Variants in IL21R observed in about 807,000 individuals in gnomAD.
IL21R encodes the protein interleukin 21 receptor, also known as interleukin-21 receptor.
In IL21R, 14 loss-of-function variants were observed where a neutral mutation model predicts 41.3. The observed-to-expected ratio is 0.34, with a 90% CI of 0.22 to 0.53. The LOEUF is 0.53. IL21R is among the 20% of genes least tolerant of loss of function. IL21R has a pLI of 0.94. For synonymous variants in IL21R, 286 were observed against 287.6 expected, an observed-to-expected ratio of 0.99 and a Z score of 0.05; for missense variants, 588 against 681.6, an observed-to-expected ratio of 0.86 and a Z score of 1.53.
intron 1 of IL21R, among the ~76,000 whole-genome samples, chr16:27,423,442 A>G: frequency 6.6e-6 from 1 of 152,206 alleles, no homozygotes; most frequent in Non-Finnish European, 1.5e-5. Flanking sequence ...AGCTTTACCA[A>G]ACTGTTGAGA....
Position 27,409,218 on chromosome 16 carries a change from AT to A in IL21R, c.-17+6604del, listed in dbSNP as rs540398494. On this transcript the variant is annotated intron_variant, in intron 1 of 8. Transcript: ENST00000337929. The stretch of plus-strand genomic sequence containing the variant: ...TATATGTTTATTATATATAATTTAT[AT>A]TTTATAAATATATATAATATTTATA... Among the ~76,000 whole-genome samples, 733 of 146,892 alleles carry A rather than the reference AT, an allele frequency of 5.0e-3. 2 individuals are homozygous for A. The highest frequency in any genetic ancestry group is 0.015 in the South Asian group (70 of 4,768).
At chr16:27,424,772 T>C (rs2087048716) in intron 1 of IL21R, among the ~76,000 whole-genome samples, 1 of 152,160 alleles carries the variant, frequency 6.6e-6, no homozygotes, top group Admixed American at 6.5e-5. Context: ...TGCATTGCCA[T>C]AAAGCAATAC....
chr16:27,406,042 T>C (rs1381363293), intron 1 of IL21R, among the ~76,000 whole-genome samples: 2 of 152,254 alleles, frequency 1.3e-5, no homozygotes, highest in East Asian at 3.8e-4. Flanking sequence ...GACAAGGCCC[T>C]GGGCCTCTCT....
At chr16:27,443,514 T>G (rs2087427090) in intron 5 of IL21R, among the ~76,000 whole-genome samples, 1 of 152,196 alleles carries the variant, frequency 6.6e-6, no homozygotes, top group Non-Finnish European at 1.5e-5. Context: ...CCAGGTGCGG[T>G]GGCTCATGCC....
intron 1 of IL21R, among the ~76,000 whole-genome samples, chr16:27,429,426 T>C (rs1268156150): frequency 6.6e-6 from 1 of 152,142 alleles, no homozygotes; most frequent in East Asian, 1.9e-4. Flanking sequence ...CACACAATGC[T>C]ACATCAATAG....
At chr16:27,406,107 C>G (rs1483940266) in intron 1 of IL21R, among the ~76,000 whole-genome samples, 2 of 152,268 alleles carry the variant, frequency 1.3e-5, no homozygotes, top group Non-Finnish European at 1.5e-5. Flanking sequence ...GGCTTGCCAA[C>G]TTTCCCCAGA....
chr16:27,434,385 C>A lies in IL21R; in HGVS notation c.88C>A (p.Leu30Ile). 1 of 1,614,064 alleles carries A rather than the reference C, an allele frequency of 6.2e-7. No homozygotes were observed. The highest frequency in any genetic ancestry group is 1.7e-5 in the Admixed American group (1 of 60,024). ...CGACCTCGTCTGCTACACCGATTACCTCCAGACGGTCATCTGCATCCTGGA... is the reference window on the plus strand; with the variant it reads ...CGACCTCGTCTGCTACACCGATTACATCCAGACGGTCATCTGCATCCTGGA... ...CPDLVCYTDY[L>I]QTVICILEMW... Residue 30 changes from leucine (L) to isoleucine (I), a missense_variant, in exon 3 of 9, where the codon CTC becomes ATC. Physicochemically the swap from Leu to Ile is conservative, Grantham distance 5. Coordinates refer to ENST00000337929, the MANE Select transcript of IL21R (RefSeq NM_181078.3).
At chr16:27,440,279 AGC>A (rs1177312217) in intron 4 of IL21R, among the ~76,000 whole-genome samples, 1,869 of 131,316 alleles carry the variant, frequency 0.014, 44 homozygotes, top group Non-Finnish European at 0.017. Flanking sequence ...AGAGAGAGAG[AGC>A]GAGCAAGCGC....
rs146302124 is a variant in IL21R, at chr16:27,437,865, T to C, written c.352+178T>C. 2.1e-3 allele frequency among the ~76,000 whole-genome samples: 327 copies of C among 152,244 alleles called. 2 individuals are homozygous for C. The highest frequency in any genetic ancestry group is 3.6e-3 in the Non-Finnish European group (242 of 68,022). ...TTTAGTAGAGACGGGGATCTTGCCATGTTGCCCAGGCCAGTCTCGAACTCC... is the reference window on the plus strand; with the variant it reads ...TTTAGTAGAGACGGGGATCTTGCCACGTTGCCCAGGCCAGTCTCGAACTCC... On this transcript the variant is annotated intron_variant, in intron 4 of 8. Coordinates refer to ENST00000337929, the MANE Select transcript of IL21R (RefSeq NM_181078.3).
At chr16:27,419,971 C>G (rs888956587) in intron 1 of IL21R, among the ~76,000 whole-genome samples, 1 of 151,606 alleles carries the variant, frequency 6.6e-6, no homozygotes, top group Non-Finnish European at 1.5e-5. Context: ...TCACTGCTAC[C>G]TCTGCCTCCC....
At chr16:27,414,570 C>T (rs1165216000) in intron 1 of IL21R, among the ~76,000 whole-genome samples, 2 of 144,602 alleles carry the variant, frequency 1.4e-5, no homozygotes, top group African/African-American at 5.2e-5. Context: ...AATGAAAGCA[C>T]TGATGTGTCT....
chr16:27,410,275 G>A (rs913593236), intron 1 of IL21R, among the ~76,000 whole-genome samples: 9 of 151,914 alleles, frequency 5.9e-5, no homozygotes, highest in African/African-American at 2.2e-4. Flanking sequence ...GGAGGTTGCA[G>A]TGAGCAGAGA....
intron 1 of IL21R, among the ~76,000 whole-genome samples, chr16:27,414,301 A>G (rs912973197): frequency 2.0e-5 from 3 of 152,042 alleles, no homozygotes; most frequent in African/African-American, 7.2e-5. Context: ...TTATTAAATG[A>G]TAATATAAAT....
At chr16:27,437,418 G>A in intron 3 of IL21R, 70 bp from the exon 4 acceptor site, 1 of 1,281,912 alleles carries the variant, frequency 7.8e-7, no homozygotes, top group Non-Finnish European at 1.1e-6. Context: ...CCCTGGCCCT[G>A]AGCACTGAGC....
intron 1 of IL21R, among the ~76,000 whole-genome samples, chr16:27,418,170 C>T (rs1027839977): frequency 4.3e-5 from 6 of 139,612 alleles, no homozygotes; most frequent in Non-Finnish European, 7.8e-5. Context: ...CCCGGGTTCA[C>T]GCCATTCTCC....
chr16:27,447,240 C>G (rs1260857819), intron 8 of IL21R, among the ~76,000 whole-genome samples: 1 of 152,038 alleles, frequency 6.6e-6, no homozygotes, highest in Non-Finnish European at 1.5e-5. Context: ...TTGCTATATA[C>G]CAGGCAGTCC....
chr16:27,448,887 C>T lies in IL21R; in HGVS notation c.1221C>T (p.Gly407=). 6.2e-7 allele frequency: 1 copy of T among 1,612,044 alleles called. No individual in the cohort carries two copies. The highest frequency in any genetic ancestry group is 8.5e-7 in the Non-Finnish European group (1 of 1,179,326). The change falls in exon 9 of 9, where the codon GGC becomes GGT. Residue 407 remains glycine, a synonymous_variant. Transcript: ENST00000337929. ...DGYPALDLDA[G]LEPSPGLEDP... ...ACCCAGCCCTGGACCTGGATGCTGG[C>T]CTGGAGCCCAGCCCAGGCCTAGAGG...
At chr16:27,422,022 TGACCTTAC>T (rs2087007799) in intron 1 of IL21R, among the ~76,000 whole-genome samples, 1 of 152,120 alleles carries the variant, frequency 6.6e-6, no homozygotes, top group African/African-American at 2.4e-5. Context: ...TGTATCATAT[TGACCTTAC>T]TTTTATTTTT....
chr16:27,422,558 A>G (rs373399738), intron 1 of IL21R, among the ~76,000 whole-genome samples: 2 of 152,250 alleles, frequency 1.3e-5, no homozygotes, highest in East Asian at 1.9e-4. Context: ...TGTTACTAGT[A>G]TGTTGCCAAA....
Sources: gnomAD v4.1 joint callset for allele counts (sites outside exome capture counted in the v4.1 genomes callset) on GRCh38, gnomAD v4.1.1 for gene constraint, MANE v1.5 for transcripts, NCBI Gene and HGNC (gene_info 2026-07-23, HGNC 2026-07-21) for gene names.